ZMAT4: variants seen among roughly 807,000 people sequenced by gnomAD.
The protein encoded by ZMAT4 is zinc finger matrin-type protein 4.
In ZMAT4, 17 loss-of-function variants were observed where a neutral mutation model predicts 28.7. The ratio of observed to expected loss-of-function variants is 0.59; its 90% CI spans 0.41 to 0.89. ZMAT4 has a LOEUF of 0.89. Ranked by LOEUF, ZMAT4 falls within the 40% of genes least tolerant of loss-of-function variation. The pLI is 0.00. For missense variants in ZMAT4, 240 were observed against 283.8 expected, an observed-to-expected ratio of 0.85 and a Z score of 1.11; for synonymous variants, 117 against 109.2, an observed-to-expected ratio of 1.07 and a Z score of -0.44.
intron 2 of ZMAT4, among the ~76,000 whole-genome samples, chr8:40,774,683 A>T (rs1298175774): frequency 6.7e-6 from 1 of 149,744 alleles, no homozygotes; most frequent in Admixed American, 6.7e-5. Flanking sequence ...ATGACATAGA[A>T]ATATATATAT....
At chr8:40,821,170 G>C (rs1182144013) in intron 2 of ZMAT4, among the ~76,000 whole-genome samples, 2 of 151,992 alleles carry the variant, frequency 1.3e-5, no homozygotes, top group Non-Finnish European at 2.9e-5. Flanking sequence ...CTACGTTGCA[G>C]AAAACCACTC....
At chr8:40,774,862 T>C (rs1402801716) in intron 2 of ZMAT4, among the ~76,000 whole-genome samples, 1 of 152,192 alleles carries the variant, frequency 6.6e-6, no homozygotes, top group African/African-American at 2.4e-5. Flanking sequence ...TAATGCTTTT[T>C]TGAAATTTTA....
chr8:40,632,821 C>G (rs1184612164), intron 5 of ZMAT4, among the ~76,000 whole-genome samples: 1 of 152,220 alleles, frequency 6.6e-6, no homozygotes, highest in East Asian at 1.9e-4. Context: ...TGTGAAACCT[C>G]ACCACCATAA....
chr8:40,886,749 T>A (rs112816999), intron 1 of ZMAT4, among the ~76,000 whole-genome samples: 1 of 152,190 alleles, frequency 6.6e-6, no homozygotes, highest in Non-Finnish European at 1.5e-5. Flanking sequence ...TTTTTTTTCC[T>A]TTTTATTTTT....
intron 1 of ZMAT4, among the ~76,000 whole-genome samples, chr8:40,863,043 C>T (rs1428381189): frequency 6.6e-6 from 1 of 151,956 alleles, no homozygotes; most frequent in Non-Finnish European, 1.5e-5. Context: ...GGTGATGCAG[C>T]CAGTGCAAAG....
chr8:40,872,786 G>T (rs1817908896), intron 1 of ZMAT4, among the ~76,000 whole-genome samples: 1 of 152,144 alleles, frequency 6.6e-6, no homozygotes, highest in Non-Finnish European at 1.5e-5. Flanking sequence ...ATTGGGGTAG[G>T]GGGTGGAGGG....
chr8:40,604,672 C>T (rs940781969), intron 5 of ZMAT4, among the ~76,000 whole-genome samples: 21 of 151,970 alleles, frequency 1.4e-4, no homozygotes, highest in Admixed American at 9.2e-4. Flanking sequence ...GATATTAATC[C>T]GTAGTTTTTG....
chr8:40,695,768 A>ATTTTT (rs756360990), intron 4 of ZMAT4, among the ~76,000 whole-genome samples: 16 of 58,502 alleles, frequency 2.7e-4, no homozygotes, highest in African/African-American at 9.5e-4. Flanking sequence ...CCATGTGGCA[A>ATTTTT]TTTTTTTTTT....
Position 40,714,769 on chromosome 8 carries a change from G to A in ZMAT4, c.193-17368C>T, listed in dbSNP as rs560505956. Among the ~76,000 whole-genome samples the A allele has an allele frequency of 1.3e-3, 199 of 152,288 alleles. 3 individuals carry two copies. The highest frequency in any genetic ancestry group is 4.2e-3 in the Admixed American group (64 of 15,298). Reference sequence around the variant, plus strand: ...TTTACAGGAAGAAGTGTGTGAAATAGTCCGGGGGCAGTGGCTCACGCCTGT... The same window carrying A: ...TTTACAGGAAGAAGTGTGTGAAATAATCCGGGGGCAGTGGCTCACGCCTGT... On this transcript the variant is annotated intron_variant, in intron 3 of 6. Coordinates refer to ENST00000297737, the MANE Select transcript of ZMAT4 (RefSeq NM_024645.3).
chr8:40,859,122 G>A (rs1488836239), intron 1 of ZMAT4, among the ~76,000 whole-genome samples: 1 of 152,202 alleles, frequency 6.6e-6, no homozygotes, highest in East Asian at 1.9e-4. Context: ...CCTGACCTCA[G>A]CAACTTCAGA....
chr8:40,546,994 T>A (rs981294134), intron 6 of ZMAT4, among the ~76,000 whole-genome samples: 5 of 152,090 alleles, frequency 3.3e-5, no homozygotes, highest in Non-Finnish European at 7.4e-5. Flanking sequence ...ATGGCAACAA[T>A]ATGGAAATGC....
chr8:40,846,231 C>A (rs1156554533), intron 1 of ZMAT4, among the ~76,000 whole-genome samples: 1 of 152,116 alleles, frequency 6.6e-6, no homozygotes, highest in Non-Finnish European at 1.5e-5. Flanking sequence ...TTATATATAA[C>A]CTTTTACATC....
chr8:40,878,031 C>A (rs1322659041), intron 1 of ZMAT4, among the ~76,000 whole-genome samples: 1 of 152,128 alleles, frequency 6.6e-6, no homozygotes, highest in Non-Finnish European at 1.5e-5. Context: ...TTCTGGCACC[C>A]AGAGTAATGA....
intron 5 of ZMAT4, among the ~76,000 whole-genome samples, chr8:40,622,971 G>A (rs1806251305): frequency 6.6e-6 from 1 of 152,180 alleles, no homozygotes; most frequent in African/African-American, 2.4e-5. Context: ...AGTGTTGTGA[G>A]TCCAAAAGGT....
chr8:40,866,805 A>T lies in ZMAT4; in HGVS notation c.-5+30878T>A, dbSNP rs146204954. ...TATCCAACAGGATACACATATAAAC[A>T]TGCATACACACACATGCATATGCAT... On this transcript the variant is annotated intron_variant, in intron 1 of 6. Coordinates refer to ENST00000297737, the MANE Select transcript of ZMAT4 (RefSeq NM_024645.3). 5.8e-3 allele frequency among the ~76,000 whole-genome samples: 882 copies of T among 152,360 alleles called. 4 individuals are homozygous for T. The highest frequency in any genetic ancestry group is 0.02 in the Middle Eastern group (6 of 294).
chr8:40,701,789 A>T (rs1810160936), intron 3 of ZMAT4, among the ~76,000 whole-genome samples: 1 of 152,122 alleles, frequency 6.6e-6, no homozygotes, highest in Non-Finnish European at 1.5e-5. Context: ...AAGTGCTGGG[A>T]TTACAGGCAT....
At chr8:40,812,754 A>C (rs757040896) in intron 2 of ZMAT4, among the ~76,000 whole-genome samples, 2 of 152,040 alleles carry the variant, frequency 1.3e-5, no homozygotes, top group Non-Finnish European at 2.9e-5. Flanking sequence ...AACATAGTGA[A>C]ACCCTGTCTC....
chr8:40,657,082 G>A (rs1480990109), intron 5 of ZMAT4, among the ~76,000 whole-genome samples: 1 of 152,098 alleles, frequency 6.6e-6, no homozygotes, highest in Non-Finnish European at 1.5e-5. Context: ...TCAAGCTGGA[G>A]TGCAATGATG....
At chr8:40,754,046 C>T (rs1812568048) in intron 3 of ZMAT4, among the ~76,000 whole-genome samples, 1 of 151,944 alleles carries the variant, frequency 6.6e-6, no homozygotes, top group Non-Finnish European at 1.5e-5. Flanking sequence ...GTGGCACACG[C>T]CTGTAGTCTC....
Sources: gnomAD v4.1 joint callset for allele counts (sites outside exome capture counted in the v4.1 genomes callset) on GRCh38, gnomAD v4.1.1 for gene constraint, MANE v1.5 for transcripts, NCBI Gene and HGNC (gene_info 2026-07-23, HGNC 2026-07-21) for gene names.